The following GIT2 variants were observed in gnomAD, a reference collection of about 807,000 sequenced individuals.
GIT2 encodes GIT ArfGAP 2, also known as ARF GTPase-activating protein GIT2.
A neutral mutation model predicts 100.3 loss-of-function variants in GIT2; 32 were observed. The ratio of observed to expected loss-of-function variants is 0.32; its 90% CI spans 0.24 to 0.43. The LOEUF is 0.43. GIT2 is among the 20% of genes least tolerant of loss of function. The pLI is 1.00. For synonymous variants in GIT2, 353 were observed against 364.1 expected, an observed-to-expected ratio of 0.97 and a Z score of 0.35; for missense variants, 737 against 975.1, an observed-to-expected ratio of 0.76 and a Z score of 3.25.
rs186024766 is a variant in GIT2, at chr12:109,996,225, G to C, written c.-1C>G. ...CGCTGCTCCGGAGCCGTTTCGACAT[G>C]GCTCCCACCTCCCACCTGCGGGGAA... is the stretch of plus-strand genomic sequence containing the variant. On this transcript the variant is annotated 5_prime_UTR_variant, in exon 1 of 20. Coordinates refer to ENST00000355312, the MANE Select transcript of GIT2 (RefSeq NM_057169.5). 6.5e-6 allele frequency: 10 copies of C among 1,532,438 alleles called. No homozygotes were observed. The Admixed American group carries it at 2.0e-4, about 31-fold the overall frequency. The allele number at this position is 1,532,438 out of a possible 1,614,324, so 94.9% of individuals were successfully genotyped here. A position where few individuals can be genotyped will look rare whatever the true frequency, so the allele number is the denominator to read the frequency against.
At chr12:109,966,873 G>T (rs528829983) in intron 8 of GIT2, among the ~76,000 whole-genome samples, 2 of 152,276 alleles carry the variant, frequency 1.3e-5, no homozygotes, top group South Asian at 4.1e-4. Context: ...TTTTTGTTCA[G>T]TTGAGCTAGG....
intron 12 of GIT2, among the ~76,000 whole-genome samples, chr12:109,956,977 C>G (rs1446038903): frequency 6.6e-6 from 1 of 150,692 alleles, no homozygotes; most frequent in African/African-American, 2.4e-5. Context: ...AAGATCGCGC[C>G]ACTGCACTCC....
chr12:109,977,552 G>A (rs1005835790), intron 7 of GIT2, among the ~76,000 whole-genome samples: 1 of 151,100 alleles, frequency 6.6e-6, no homozygotes, highest in African/African-American at 2.4e-5. Flanking sequence ...GGCTGGGTGA[G>A]GTGGCTCATG....
chr12:109,959,856 C>G lies in GIT2; in HGVS notation c.1090G>C (p.Gly364Arg). Residue 364 changes from glycine (G) to arginine (R), a missense_variant, in exon 12 of 20, where the codon GGT becomes CGT. Gly to Arg is a moderately radical substitution (Grantham distance 125). Around this residue, in one of 3 missense-constraint regions of GIT2, gnomAD observed 451 missense variants for 543.7 expected, o/e 0.83. Coordinates refer to ENST00000355312, the MANE Select transcript of GIT2 (RefSeq NM_057169.5). ...AGGTTTGAGCAGTTACCTTTTGAAC[C>G]CGAGAGAGAACTGCCCTGCTGTCTC... is the stretch of plus-strand genomic sequence containing the variant. ...KRRQQGSSLSGSKDNVELILK... is the reference protein window; with the variant it reads ...KRRQQGSSLSRSKDNVELILK... 1 of 1,604,538 alleles carries G rather than the reference C, an allele frequency of 6.2e-7. No homozygotes were observed. The highest frequency in any genetic ancestry group is 1.1e-5 in the South Asian group (1 of 90,854).
At chr12:109,999,504 C>T (rs1341508765), upstream of GIT2, 1 of 313,420 alleles carries the variant, frequency 3.2e-6, no homozygotes, top group Non-Finnish European at 5.7e-6. The surrounding 1 kb of genome is among the most constrained non-coding windows in gnomAD (Gnocchi z 4.3). Context: ...GACCTGGTCC[C>T]TGAGCCGGCC....
At position 109,933,197 on chromosome 12, in the gene GIT2, G is replaced by T; in HGVS notation, c.2068-7C>A. 1 of 1,502,638 alleles carries T rather than the reference G, an allele frequency of 6.7e-7. No homozygotes were observed. The highest frequency in any genetic ancestry group is 2.0e-5 in the Admixed American group (1 of 50,956). 93.1% of individuals were successfully genotyped at this position (1,502,638 alleles called of 1,614,324 possible). A position where few individuals can be genotyped will look rare whatever the true frequency, so the allele number is the denominator to read the frequency against. ...CCATATCAGACTTGGGTTTCTAAAA[G>T]GAAAAAGACAGCCGTTTACCCTGAA... On this transcript the variant is annotated splice_region_variant and splice_polypyrimidine_tract_variant and intron_variant, in intron 19 of 19. Transcript: ENST00000355312. This position sits in a 1 kb window ranked among gnomAD's most constrained non-coding sequence, Gnocchi z 4.5.
At chr12:109,960,366 G>A (rs1050860594) in intron 11 of GIT2, among the ~76,000 whole-genome samples, 52 of 152,332 alleles carry the variant, frequency 3.4e-4, no homozygotes, top group African/African-American at 1.2e-3. Flanking sequence ...GCTCACGCCT[G>A]TAATCCCAGA....
At position 109,940,880 on chromosome 12, in the gene GIT2, A is replaced by AAAAAC. The variant is rs746121434; in HGVS notation, c.1732-1638_1732-1634dup. Among the ~76,000 whole-genome samples the AAAAAC allele has an allele frequency of 7.5e-3, 1,138 of 151,214 alleles. 3 individuals carry two copies. Among genetic ancestry groups the AAAAAC allele is most frequent in the Non-Finnish European group, 9.9e-3 (670 of 67,794 alleles). On this transcript the variant is annotated intron_variant, in intron 16 of 19. Transcript: ENST00000355312. ...GGTGACAGAGCTAGACCCTAACTCA[A>AAAAAC]AAAACAAAACAAAACAAAACAAAAC...
chr12:109,940,705 C>T (rs534765313), intron 16 of GIT2, among the ~76,000 whole-genome samples: 17 of 152,024 alleles, frequency 1.1e-4, no homozygotes, highest in African/African-American at 3.4e-4. Context: ...CATGGTGAAA[C>T]GTCATCGCTA....
chr12:109,938,492 C>T lies in GIT2; in HGVS notation c.1891G>A (p.Val631Met), dbSNP rs202120742. The change falls in exon 18 of 20, where the codon GTG becomes ATG. Residue 631 changes from valine (V) to methionine (M), a missense_variant. Physicochemically the swap from Val to Met is conservative, Grantham distance 21. Around this residue, in one of 3 missense-constraint regions of GIT2, gnomAD observed 451 missense variants for 543.7 expected, o/e 0.83. Transcript: ENST00000355312. ...GLVPDTAEPH[V>M]APSPTLPSTE... ...CTAGGGAGAGTGGGGCTTGGGGCCA[C>T]ATGGGGTTCTGCTGTGTCTGGTACC... 2 of 1,613,892 alleles carry T rather than the reference C, an allele frequency of 1.2e-6. No homozygotes were observed. The highest frequency in any genetic ancestry group is 1.7e-6 in the Non-Finnish European group (2 of 1,179,808).
At position 109,930,051 on chromosome 12, in the gene GIT2, A is replaced by G. The variant is rs1425469963; in HGVS notation, c.*2927T>C. ...AGAAAACTATACTATTGGAAAGCTCATGGGTGCCATTGAGGACAAAAACAG... is the reference window on the plus strand; with the variant it reads ...AGAAAACTATACTATTGGAAAGCTCGTGGGTGCCATTGAGGACAAAAACAG... On this transcript the variant is annotated 3_prime_UTR_variant, in exon 20 of 20. Transcript: ENST00000355312. The G allele has an allele frequency of 6.6e-6, 1 of 152,586 alleles. No individual in the cohort carries two copies. The highest frequency in any genetic ancestry group is 1.5e-5 in the Non-Finnish European group (1 of 68,028). The allele number at this position is 152,586 out of a possible 1,614,324, so 9.5% of individuals were successfully genotyped here.
At chr12:109,957,085 A>G (rs1040228819) in intron 12 of GIT2, among the ~76,000 whole-genome samples, 1 of 152,194 alleles carries the variant, frequency 6.6e-6, no homozygotes. Context: ...TATAGTATAA[A>G]TGTTTCTTCC....
intron 1 of GIT2, 145 bp from the exon 2 acceptor site, chr12:109,991,905 T>C: frequency 1.5e-6 from 1 of 650,904 alleles, no homozygotes; most frequent in Non-Finnish European, 2.7e-6. Flanking sequence ...GCTGGTCATC[T>C]TGTTGGATGG....
chr12:109,985,261 C>A (rs1438390473), intron 4 of GIT2, among the ~76,000 whole-genome samples: 3 of 152,034 alleles, frequency 2.0e-5, no homozygotes, highest in African/African-American at 7.2e-5. Context: ...TGCCACTGTG[C>A]CTAATTTTTT....
intron 7 of GIT2, among the ~76,000 whole-genome samples, chr12:109,970,839 G>A (rs1883693028): frequency 6.6e-6 from 1 of 152,156 alleles, no homozygotes; most frequent in African/African-American, 2.4e-5. Flanking sequence ...GCCAAGGCTA[G>A]AGTGCAGTGG....
At chr12:109,993,953 A>G (rs980967124) in intron 1 of GIT2, among the ~76,000 whole-genome samples, 5 of 152,036 alleles carry the variant, frequency 3.3e-5, no homozygotes, top group South Asian at 2.1e-4. Flanking sequence ...TCAATTTAGT[A>G]TAACTCTGTC....
intron 11 of GIT2, 110 bp downstream of exon 11, chr12:109,961,168 G>A (rs1880944605): frequency 1.5e-6 from 1 of 664,110 alleles, no homozygotes; most frequent in African/African-American, 1.8e-5. Context: ...ATGTATAAAG[G>A]ATATTAAATT....
rs1461775211 is a variant in GIT2, at chr12:109,931,067, C to CA, written c.*1910dup. The CA allele has an allele frequency of 4.7e-4, 71 of 152,362 alleles. No homozygotes were observed. The highest frequency in any genetic ancestry group is 1.6e-3 in the African/African-American group (68 of 41,578). The allele number at this position is 152,362 out of a possible 1,614,324, so 9.4% of individuals were successfully genotyped here. A position where few individuals can be genotyped will look rare whatever the true frequency, so the allele number is the denominator to read the frequency against. ...GCAAAATGCGACAAAAGCATCCACA[C>CA]ACGGTGACTTAGTAAAGCAAGCACC... On this transcript the variant is annotated 3_prime_UTR_variant, in exon 20 of 20. Coordinates refer to ENST00000355312, the MANE Select transcript of GIT2 (RefSeq NM_057169.5).
intron 11 of GIT2, 39 bp from the exon 12 acceptor site, chr12:109,959,997 A>T (rs1880621877): frequency 4.6e-6 from 6 of 1,295,222 alleles, no homozygotes; most frequent in Non-Finnish European, 6.7e-6. Context: ...TTCCCAGTGT[A>T]AAAATATATA....
Sources: gnomAD v4.1 joint callset for allele counts (sites outside exome capture counted in the v4.1 genomes callset) on GRCh38, gnomAD v4.1.1 for gene constraint, gnomAD v4.1.1 regional missense constraint, Gnocchi (gnomAD v3.1) non-coding constraint, MANE v1.5 for transcripts, NCBI Gene and HGNC (gene_info 2026-07-23, HGNC 2026-07-21) for gene names.